DGKB: variants seen among roughly 807,000 people sequenced by gnomAD.
DGKB encodes diacylglycerol kinase beta, also known as 90 kDa diacylglycerol kinase.
Under a neutral mutation model 114.3 loss-of-function variants are expected in DGKB, and 67 were observed. That is an observed-to-expected ratio of 0.59 (90% CI 0.48 to 0.72). The LOEUF (loss-of-function observed/expected upper bound fraction) is 0.72. Among genes scored for constraint, DGKB ranks in the 30% least tolerant of loss-of-function variants. The pLI, the probability that DGKB is intolerant of heterozygous loss-of-function variation, is 0.00. For synonymous variants in DGKB, 398 were observed against 323.1 expected (o/e 1.23, Z -2.49); for missense variants, 907 against 975.2 (o/e 0.93, Z 0.93).
At chr7:14,702,500 G>A (rs1825373983) in intron 6 of DGKB, among the ~76,000 whole-genome samples, 1 of 152,100 alleles carries the variant, frequency 6.6e-6, no homozygotes, top group African/African-American at 2.4e-5. Context: ...TCTGTTAGGG[G>A]GTTCAGGAAA....
At chr7:14,817,676 C>T (rs978734268) in intron 2 of DGKB, among the ~76,000 whole-genome samples, 4 of 152,004 alleles carry the variant, frequency 2.6e-5, no homozygotes, top group Admixed American at 2.6e-4. Context: ...ATACATTTTT[C>T]CTTCTTGCCA....
intron 23 of DGKB, among the ~76,000 whole-genome samples, chr7:14,226,769 A>G (rs1016262449): frequency 2.6e-5 from 4 of 152,100 alleles, no homozygotes; most frequent in African/African-American, 7.2e-5. Flanking sequence ...AAATGAATCA[A>G]TTATATAACA....
At chr7:14,846,021 A>G (rs549798513) in intron 1 of DGKB, among the ~76,000 whole-genome samples, 1 of 152,320 alleles carries the variant, frequency 6.6e-6, no homozygotes, top group East Asian at 1.9e-4. Flanking sequence ...CACCAAGTAT[A>G]TTTTTATTTA....
intron 21 of DGKB, among the ~76,000 whole-genome samples, chr7:14,362,445 G>C (rs1010834002): frequency 6.6e-6 from 1 of 151,968 alleles, no homozygotes; most frequent in East Asian, 1.9e-4. Context: ...CATTCAACAA[G>C]TATTTAATGA....
chr7:14,162,447 G>A (rs1784046367), intron 25 of DGKB, among the ~76,000 whole-genome samples: 1 of 151,852 alleles, frequency 6.6e-6, no homozygotes, highest in Non-Finnish European at 1.5e-5. Context: ...TACAGGCTTG[G>A]GTCACATCAA....
chr7:14,279,252 T>C (rs1000155435), intron 23 of DGKB, among the ~76,000 whole-genome samples: 3 of 152,220 alleles, frequency 2.0e-5, no homozygotes, highest in Admixed American at 6.5e-5. Context: ...GTCTCGCTGA[T>C]TGCTAGCACA....
At chr7:14,775,461 AAAGTG>A (rs1407182085) in intron 2 of DGKB, among the ~76,000 whole-genome samples, 7 of 150,002 alleles carry the variant, frequency 4.7e-5, no homozygotes, top group African/African-American at 1.7e-4. Flanking sequence ...TTTGCCATTG[AAAGTG>A]AAGGCCAAAA....
chr7:14,701,722 G>A lies in DGKB; in HGVS notation c.475C>T (p.Arg159Cys), dbSNP rs1478985919. 12 of 1,609,216 alleles carry A rather than the reference G, an allele frequency of 7.5e-6. No homozygotes were observed. The highest frequency in any genetic ancestry group is 1.1e-5 in the South Asian group (1 of 90,962). The change falls in exon 7 of 26, where the codon CGC becomes TGC. Residue 159 changes from arginine to cysteine, a missense_variant. Transcript: ENST00000402815. ...RPEDKLEFMF[R>C]LYDTDGNGFL... ...CCATTCCCATCCGTGTCATAAAGGC[G>A]AAACATAACTAGAATGAAAGAGGTG...
intron 1 of DGKB, among the ~76,000 whole-genome samples, chr7:14,969,030 T>C (rs759853254): frequency 1.3e-5 from 2 of 152,194 alleles, no homozygotes; most frequent in Non-Finnish European, 2.9e-5. Context: ...TGATTTATTG[T>C]CTTGACCAGC....
At chr7:14,280,652 A>G (rs2128453438) in intron 23 of DGKB, among the ~76,000 whole-genome samples, 1 of 151,684 alleles carries the variant, frequency 6.6e-6, no homozygotes, top group South Asian at 2.1e-4. Context: ...TCAGACTAAC[A>G]GCGGATCTCT....
intron 20 of DGKB, among the ~76,000 whole-genome samples, chr7:14,558,686 C>G (rs1008907350): frequency 6.6e-6 from 1 of 152,078 alleles, no homozygotes; most frequent in South Asian, 2.1e-4. Context: ...TAAGAAAAAC[C>G]AAGAGGCTGT....
At chr7:14,818,273 T>C (rs190008538) in intron 2 of DGKB, among the ~76,000 whole-genome samples, 161 of 152,244 alleles carry the variant, frequency 1.1e-3, no homozygotes, top group Non-Finnish European at 1.6e-3. Context: ...TTTCCAGAAA[T>C]ATAAATAAAA....
chr7:14,892,852 C>T (rs1302379758), intron 1 of DGKB, among the ~76,000 whole-genome samples: 1 of 78,574 alleles, frequency 1.3e-5, no homozygotes, highest in Non-Finnish European at 2.6e-5. Flanking sequence ...TCAACTAATA[C>T]CATATATATA....
intron 20 of DGKB, among the ~76,000 whole-genome samples, chr7:14,509,633 C>T (rs974092933): frequency 6.6e-6 from 1 of 152,238 alleles, no homozygotes; most frequent in Non-Finnish European, 1.5e-5. Flanking sequence ...CTCCCCCTCT[C>T]ATCTGCCCTA....
intron 1 of DGKB, among the ~76,000 whole-genome samples, chr7:14,946,207 T>C (rs1475279750): frequency 1.3e-5 from 2 of 151,658 alleles, no homozygotes; most frequent in African/African-American, 4.8e-5. Flanking sequence ...TTTTATTCCA[T>C]ATAGGTTCTA....
At chr7:14,245,973 C>T (rs1031628924) in intron 23 of DGKB, among the ~76,000 whole-genome samples, 10 of 152,030 alleles carry the variant, frequency 6.6e-5, no homozygotes, top group Admixed American at 3.3e-4. Flanking sequence ...GCTTTCATGA[C>T]GAGAATGTGC....
chr7:14,302,529 C>T (rs545437710), intron 23 of DGKB, among the ~76,000 whole-genome samples: 7 of 152,182 alleles, frequency 4.6e-5, no homozygotes, highest in South Asian at 4.1e-4. Flanking sequence ...CCCCATTGCT[C>T]GTTTTACTCT....
At chr7:14,305,977 G>T (rs1804401335) in intron 23 of DGKB, among the ~76,000 whole-genome samples, 1 of 152,114 alleles carries the variant, frequency 6.6e-6, no homozygotes, top group South Asian at 2.1e-4. Context: ...GGAATAAAAA[G>T]AATTCATGAG....
At chr7:14,877,562 C>CA (rs1484089149) in intron 1 of DGKB, among the ~76,000 whole-genome samples, 1 of 152,066 alleles carries the variant, frequency 6.6e-6, no homozygotes, top group East Asian at 1.9e-4. Context: ...TCTCAAAAAA[C>CA]AAAAAACAGA....
Sources: allele counts gnomAD v4.1 joint callset (sites outside exome capture counted in the v4.1 genomes callset), GRCh38; gene constraint gnomAD v4.1.1; transcripts MANE v1.5; gene names NCBI Gene and HGNC (gene_info 2026-07-23, HGNC 2026-07-21).